The following DCTN1 variants were observed in gnomAD, a reference collection of about 807,000 sequenced individuals.
DCTN1 encodes the protein dynactin subunit 1.
DCTN1 carries 61 observed loss-of-function variants against 161.2 expected under a neutral mutation model. The ratio of observed to expected loss-of-function variants is 0.38; its 90% CI spans 0.31 to 0.47. The LOEUF (loss-of-function observed/expected upper bound fraction) is 0.47. Ranked by LOEUF, DCTN1 falls within the 20% of genes least tolerant of loss-of-function variation. The probability of loss-of-function intolerance (pLI) is 0.99; values close to 1 mark genes in which losing one functional copy is unlikely to be tolerated. For synonymous variants in DCTN1, 653 were observed against 632.4 expected (o/e 1.03, Z -0.49); for missense variants, 1,404 against 1,623.7 (o/e 0.86, Z 2.33).
Position 74,380,186 on chromosome 2 carries a change from TC to T in DCTN1, c.-150del. 1 of 819,746 alleles carries T rather than the reference TC, an allele frequency of 1.2e-6. No homozygotes were observed. Among genetic ancestry groups the T allele is most frequent in the Non-Finnish European group, 2.0e-6 (1 of 488,358 alleles). 50.8% of individuals were successfully genotyped at this position (819,746 alleles called of 1,614,324 possible). ...GCCCTCCCCAGTCCATGGGCCTCACTCGGTGGCCTACACGGGTAGGGGTGGG... is the reference window on the plus strand; with the variant it reads ...GCCCTCCCCAGTCCATGGGCCTCACTGGTGGCCTACACGGGTAGGGGTGGG... On this transcript the variant is annotated 5_prime_UTR_variant, in exon 1 of 32. Transcript: ENST00000628224.
intron 29 of DCTN1, 54 bp downstream of exon 29, chr2:74,362,940 T>C (rs1487360412): frequency 1.3e-6 from 2 of 1,589,422 alleles, no homozygotes; most frequent in African/African-American, 2.7e-5. Context: ...GCTAAATCCC[T>C]GGGCCAAGTG....
intron 1 of DCTN1, among the ~76,000 whole-genome samples, chr2:74,386,169 C>T (rs1675720420): frequency 6.6e-6 from 1 of 152,202 alleles, no homozygotes; most frequent in Non-Finnish European, 1.5e-5. Context: ...TGCCCACAAA[C>T]TGGCATGGTA....
chr2:74,367,733 T>C lies in DCTN1; in HGVS notation c.2147A>G (p.Asn716Ser), dbSNP rs767075039. 20 of 1,614,070 alleles carry C rather than the reference T, an allele frequency of 1.2e-5. No individual in the cohort carries two copies. The highest frequency in any genetic ancestry group is 6.6e-5 in the South Asian group (6 of 91,088). ...GATGGCCTTGGTGAGAGGCTCCACA[T>C]TGACAGTCTCATCCAGCTGATCCTT... is the stretch of plus-strand genomic sequence containing the variant. ...LHKDQLDETV[N>S]VEPLTKAIKY... is the part of the protein sequence containing the mutation. Residue 716 changes from asparagine (N) to serine (S), a missense_variant, in exon 18 of 32, where the codon AAT becomes AGT. Physicochemically the swap from Asn to Ser is conservative, Grantham distance 46 (BLOSUM62 1). This residue lies in a region of DCTN1 where 475 missense variants were observed against 489.8 expected (regional missense o/e 0.97). Coordinates refer to ENST00000628224, the MANE Select transcript of DCTN1 (RefSeq NM_004082.5).
chr2:74,391,486 T>C (rs1675995008), intron 1 of DCTN1: 3 of 289,040 alleles, frequency 1.0e-5, no homozygotes, highest in Non-Finnish European at 2.0e-5. Flanking sequence ...AGGAAACCTG[T>C]AGCTCAGTAT....
intron 18 of DCTN1, 41 bp from the exon 19 acceptor site, chr2:74,367,461 G>A (rs374491461): frequency 1.9e-6 from 3 of 1,609,856 alleles, no homozygotes; most frequent in East Asian, 2.2e-5. Context: ...AGGCCCTGGA[G>A]CGGGTGGGGA....
chr2:74,362,405 C>G (rs949642682), intron 30 of DCTN1, among the ~76,000 whole-genome samples: 1 of 152,184 alleles, frequency 6.6e-6, no homozygotes, highest in East Asian at 1.9e-4. Context: ...ATGATCTCAG[C>G]GCTGATGGAA....
At position 74,369,498 on chromosome 2, in the gene DCTN1, C is replaced by A. The variant is rs886056330; in HGVS notation, c.1393-7G>T. The A allele has an allele frequency of 6.2e-7, 1 of 1,611,604 alleles. No homozygotes were observed. Among genetic ancestry groups the A allele is most frequent in the Non-Finnish European group, 8.5e-7 (1 of 1,179,964 alleles). On this transcript the variant is annotated splice_polypyrimidine_tract_variant and splice_region_variant and intron_variant, in intron 13 of 31. Coordinates refer to ENST00000628224, the MANE Select transcript of DCTN1 (RefSeq NM_004082.5). This position sits in a 1 kb window ranked among gnomAD's most constrained non-coding sequence, Gnocchi z 4.9. ...TCATCTCATTCATCGCTTCCTAGGA[C>A]ACCACACCATAGTTTGGGCTAAAGA...
At chr2:74,381,375 C>T (rs775706211), upstream of DCTN1, among the ~76,000 whole-genome samples, 16 of 152,278 alleles carry the variant, frequency 1.1e-4, no homozygotes, top group South Asian at 2.1e-4. Context: ...GACTTTACCC[C>T]GCTCTACCCT....
chr2:74,373,972 C>A (rs1274577527), intron 6 of DCTN1, among the ~76,000 whole-genome samples: 3 of 152,214 alleles, frequency 2.0e-5, no homozygotes, highest in African/African-American at 7.2e-5. Flanking sequence ...GTGAGGCAGG[C>A]AGGCCTGCTA....
chr2:74,362,063 C>T lies in DCTN1; in HGVS notation c.3688G>A (p.Ala1230Thr), dbSNP rs72466495. Residue 1230 changes from alanine (A) to threonine (T), a missense_variant, in exon 31 of 32, where the codon GCC becomes ACC. This residue lies in a region of DCTN1 where 311 missense variants were observed against 298.9 expected (regional missense o/e 1.04). Transcript: ENST00000628224. ...ATGCTCCCCCTCACCCTGAGGAAGG[C>T]TGATGAAGGGAAGGTGGCAAAGTCA... Reference protein sequence around the residue: ...PTDFATFPSSAFLRAKEEQQD... With the variant: ...PTDFATFPSSTFLRAKEEQQD... 1 of 1,613,776 alleles carries T rather than the reference C, an allele frequency of 6.2e-7. No individual in the cohort carries two copies. The highest frequency in any genetic ancestry group is 1.6e-4 in the Middle Eastern group (1 of 6,062).
chr2:74,365,174 G>C lies in DCTN1; in HGVS notation c.3097C>G (p.Leu1033Val). 1 of 1,614,222 alleles carries C rather than the reference G, an allele frequency of 6.2e-7. No individual in the cohort carries two copies. The highest frequency in any genetic ancestry group is 8.5e-7 in the Non-Finnish European group (1 of 1,180,040). ...GACTGGCTGTTCAGACGCTGCTTTA[G>C]TTCTGCCTTCTCTGCCTCCAGCTGG... ...IDQLEAEKAE[L>V]KQRLNSQSKR... The change falls in exon 26 of 32, where the codon CTA (leucine) becomes GTA (valine). Residue 1033 changes from leucine to valine, a missense_variant. Leu to Val is a conservative substitution (Grantham distance 32). Coordinates refer to ENST00000628224, the MANE Select transcript of DCTN1 (RefSeq NM_004082.5).
chr2:74,371,996 T>G, intron 7 of DCTN1: 12 of 441,736 alleles, frequency 2.7e-5, no homozygotes, highest in East Asian at 4.4e-5. Context: ...CATAAGATTA[T>G]AAGGCTCCTC....
At chr2:74,363,669 G>T in intron 26 of DCTN1, 41 bp from the exon 27 acceptor site, 1 of 1,612,540 alleles carries the variant, frequency 6.2e-7, no homozygotes, top group South Asian at 1.1e-5. Flanking sequence ...GAAAAGAGGA[G>T]AGAGGAGTTA....
At chr2:74,383,994 G>T (rs891470864), upstream of DCTN1, among the ~76,000 whole-genome samples, 6 of 152,184 alleles carry the variant, frequency 3.9e-5, no homozygotes, top group Admixed American at 3.9e-4. Flanking sequence ...AGGATAAATA[G>T]ATGGGTCAAT....
At position 74,365,657 on chromosome 2, in the gene DCTN1, C is replaced by G. The variant is rs1674350754; in HGVS notation, c.2887G>C (p.Gly963Arg). 3.7e-6 allele frequency: 6 copies of G among 1,614,144 alleles called. No homozygotes were observed. Among genetic ancestry groups the G allele is most frequent in the Non-Finnish European group, 5.1e-6 (6 of 1,180,034 alleles). ...KELKKSLKIK[G>R]EELSEANVRL... is the part of the protein sequence containing the mutation. ...ACATTGGCCTCACTTAGCTCCTCTCCCTGGACAAGGACAGAACTTCTAGAT... is the reference window on the plus strand; with the variant it reads ...ACATTGGCCTCACTTAGCTCCTCTCGCTGGACAAGGACAGAACTTCTAGAT... The change falls in exon 25 of 32, where the codon GGA becomes CGA. Residue 963 changes from glycine to arginine, a missense_variant and splice_region_variant. This residue lies in a region of DCTN1 where 475 missense variants were observed against 489.8 expected (regional missense o/e 0.97). Coordinates refer to ENST00000628224, the MANE Select transcript of DCTN1 (RefSeq NM_004082.5).
At chr2:74,382,084 C>A (rs182701367), upstream of DCTN1, among the ~76,000 whole-genome samples, 441 of 152,318 alleles carry the variant, frequency 2.9e-3, no homozygotes, top group Admixed American at 6.0e-3. Flanking sequence ...ACCATTACCA[C>A]AGACATATCT....
At chr2:74,366,196 C>G in intron 23 of DCTN1, 48 bp downstream of exon 23, 1 of 1,613,536 alleles carries the variant, frequency 6.2e-7, no homozygotes, top group Non-Finnish European at 8.5e-7. Context: ...CTCTGCAAGT[C>G]TTACTCCTAC....
chr2:74,378,466 T>G (rs1675352126), intron 1 of DCTN1, among the ~76,000 whole-genome samples: 1 of 152,254 alleles, frequency 6.6e-6, no homozygotes, highest in Non-Finnish European at 1.5e-5. Context: ...TGCTAGAATT[T>G]TTAAGTTTAT....
At chr2:74,373,085 C>G (rs948881132) in intron 6 of DCTN1, 137 bp from the exon 7 acceptor site, 8 of 763,620 alleles carry the variant, frequency 1.0e-5, no homozygotes, top group Admixed American at 3.9e-5. Context: ...CCCTCCCCCC[C>G]ATCCCATCCC....
Sources: gnomAD v4.1 joint callset for allele counts (sites outside exome capture counted in the v4.1 genomes callset) on GRCh38, gnomAD v4.1.1 for gene constraint, gnomAD v4.1.1 regional missense constraint, Gnocchi (gnomAD v3.1) non-coding constraint, MANE v1.5 for transcripts, NCBI Gene and HGNC (gene_info 2026-07-23, HGNC 2026-07-21) for gene names.